The following PVT1 variants were observed in gnomAD, a reference collection of about 807,000 sequenced individuals.
PVT1 encodes CXCR4/PVT1 fusion.
At chr8:127,834,319 G>A (rs967195090) in intron 2 of PVT1, among the ~76,000 whole-genome samples, 59 of 152,098 alleles carry the variant, frequency 3.9e-4, no homozygotes, top group Admixed American at 9.2e-4. Context: ...AAGCAATGGG[G>A]AAAGAATTCC....
chr8:127,818,787 A>G (rs1046390634), intron 2 of PVT1, among the ~76,000 whole-genome samples: 1 of 152,072 alleles, frequency 6.6e-6, no homozygotes, highest in African/African-American at 2.4e-5. Context: ...CTAGATCCTT[A>G]CCTTGTTGTG....
At chr8:128,049,464 T>G (rs561761815) in intron 4 of PVT1, among the ~76,000 whole-genome samples, 20 of 151,922 alleles carry the variant, frequency 1.3e-4, no homozygotes, top group Non-Finnish European at 2.5e-4. Context: ...TGTGGCTCTG[T>G]AGGGTGAAGG....
chr8:127,826,267 C>T (rs144330292), intron 2 of PVT1, among the ~76,000 whole-genome samples: 2 of 152,082 alleles, frequency 1.3e-5, no homozygotes, highest in East Asian at 3.9e-4. Flanking sequence ...TAATAATAGT[C>T]CCTAATTCCT....
chr8:128,058,859 T>C (rs1813795312), intron 4 of PVT1, among the ~76,000 whole-genome samples: 1 of 152,176 alleles, frequency 6.6e-6, no homozygotes, highest in Non-Finnish European at 1.5e-5. Context: ...AGGGTGGATT[T>C]ACCTTTCCAG....
chr8:127,874,356 G>T (rs1224293795), intron 2 of PVT1, among the ~76,000 whole-genome samples: 1 of 152,170 alleles, frequency 6.6e-6, no homozygotes, highest in Non-Finnish European at 1.5e-5. Context: ...TTCACCAAGG[G>T]TGGGTAACAG....
rs77341516 is a variant in PVT1 at position 127,945,063 on chromosome 8, G to T, written n.783-44099G>T. Among the ~76,000 whole-genome samples, 442 of 152,310 alleles carry T rather than the reference G, an allele frequency of 2.9e-3. 3 individuals carry two copies. Among genetic ancestry groups the T allele is most frequent in the African/African-American group, 0.01 (417 of 41,562 alleles). On this transcript the variant is annotated intron_variant and non_coding_transcript_variant, in intron 3 of 10. Coordinates refer to ENST00000651587, the Ensembl canonical transcript of PVT1. ...TAAAACATAAAAATGAACCTGAAGTGGGTGGGGTGAGTGTGTGTGTGGGAA... is the reference window on the plus strand; with the variant it reads ...TAAAACATAAAAATGAACCTGAAGTTGGTGGGGTGAGTGTGTGTGTGGGAA...
At chr8:127,897,861 A>G (rs1045900184) in intron 3 of PVT1, among the ~76,000 whole-genome samples, 4 of 118,126 alleles carry the variant, frequency 3.4e-5, no homozygotes, top group African/African-American at 1.2e-4. Context: ...AAAGACAGGA[A>G]GGAAGAAAGG....
intron 3 of PVT1, among the ~76,000 whole-genome samples, chr8:127,953,064 C>T (rs1207106366): frequency 1.3e-5 from 2 of 152,072 alleles, no homozygotes; most frequent in African/African-American, 4.8e-5. Flanking sequence ...GCGTCCGGCC[C>T]GTGCCTGCAT....
At chr8:128,067,880 C>A (rs1370289211) in intron 4 of PVT1, among the ~76,000 whole-genome samples, 1 of 151,770 alleles carries the variant, frequency 6.6e-6, no homozygotes, top group East Asian at 1.9e-4. Context: ...GTCTTCATGT[C>A]CTTATTTCAT....
chr8:128,000,763 CT>C (rs1345762492), intron 4 of PVT1, among the ~76,000 whole-genome samples: 1 of 152,120 alleles, frequency 6.6e-6, no homozygotes, highest in Non-Finnish European at 1.5e-5. Flanking sequence ...TTATTCCATA[CT>C]TGGAACCAGC....
intron 5 of PVT1, among the ~76,000 whole-genome samples, chr8:128,090,538 G>A (rs535778701): frequency 1.5e-4 from 23 of 152,068 alleles, no homozygotes; most frequent in Non-Finnish European, 3.2e-4. Context: ...TCCTCTTTGG[G>A]AGTTCACCAA....
At chr8:128,030,153 C>T (rs1021433968) in intron 4 of PVT1, among the ~76,000 whole-genome samples, 1 of 152,104 alleles carries the variant, frequency 6.6e-6, no homozygotes, top group African/African-American at 2.4e-5. Flanking sequence ...ATCCTACCAA[C>T]GTATATACTC....
chr8:127,872,230 A>G (rs1288972825), intron 2 of PVT1, among the ~76,000 whole-genome samples: 1 of 152,170 alleles, frequency 6.6e-6, no homozygotes, highest in African/African-American at 2.4e-5. Flanking sequence ...CCTGGGTAAC[A>G]TGGTGAAACC....
intron 4 of PVT1, among the ~76,000 whole-genome samples, chr8:128,000,335 A>C (rs942425231): frequency 6.6e-6 from 1 of 152,176 alleles, no homozygotes; most frequent in Non-Finnish European, 1.5e-5. Context: ...CAACAAAAAT[A>C]AGTGATGTGG....
intron 3 of PVT1, among the ~76,000 whole-genome samples, chr8:127,894,799 T>G (rs1343251242): frequency 6.6e-6 from 1 of 152,244 alleles, no homozygotes; most frequent in Admixed American, 6.5e-5. Context: ...TGCGGTACTC[T>G]GGCTGTGTGG....
chr8:128,060,570 A>C (rs1320812768), intron 4 of PVT1, among the ~76,000 whole-genome samples: 1 of 152,086 alleles, frequency 6.6e-6, no homozygotes, highest in African/African-American at 2.4e-5. Flanking sequence ...AAAGCAGACA[A>C]CTCCTCAACC....
At chr8:127,837,097 T>G (rs1349271228) in intron 2 of PVT1, among the ~76,000 whole-genome samples, 1 of 152,186 alleles carries the variant, frequency 6.6e-6, no homozygotes, top group Non-Finnish European at 1.5e-5. Context: ...CAGCGCTCTT[T>G]GGAATCTTGT....
intron 4 of PVT1, among the ~76,000 whole-genome samples, chr8:128,002,222 C>T (rs773915211): frequency 1.5e-4 from 23 of 152,196 alleles, no homozygotes; most frequent in Non-Finnish European, 2.2e-4. Context: ...GTCTCACATC[C>T]GCCCTGGGTG....
At chr8:127,876,787 G>T (rs1473938495) in intron 2 of PVT1, among the ~76,000 whole-genome samples, 1 of 152,220 alleles carries the variant, frequency 6.6e-6, no homozygotes, top group African/African-American at 2.4e-5. Context: ...CAGAGCCGAT[G>T]TGCCTGCTCC....
Sources: allele counts gnomAD v4.1 joint callset (sites outside exome capture counted in the v4.1 genomes callset), GRCh38; gene constraint gnomAD v4.1.1; transcripts MANE v1.5; gene names NCBI Gene and HGNC (gene_info 2026-07-23, HGNC 2026-07-21).